The following CASP9 variants were observed in gnomAD, a reference collection of about 807,000 sequenced individuals.
CASP9 encodes caspase-9.
A neutral mutation model predicts 43.5 loss-of-function variants in CASP9; 29 were observed. That is an observed-to-expected ratio of 0.67 (90% confidence interval 0.50 to 0.91). The LOEUF (loss-of-function observed/expected upper bound fraction) is 0.91. CASP9 is among the 40% of genes least tolerant of loss of function. The probability of loss-of-function intolerance (pLI) is 0.00; values close to 1 mark genes in which losing one functional copy is unlikely to be tolerated. For missense variants in CASP9, 575 were observed against 537.4 expected (o/e 1.07, Z -0.69); for synonymous variants, 206 against 211.9 (o/e 0.97, Z 0.24).
At chr1:15,522,052 G>A (rs1264599462) in intron 1 of CASP9, among the ~76,000 whole-genome samples, 2 of 152,138 alleles carry the variant, frequency 1.3e-5, no homozygotes, top group African/African-American at 2.4e-5. Context: ...CACATTTGCT[G>A]AACACTCCAG....
At chr1:15,502,914 AG>A (rs1709380600) in intron 6 of CASP9, among the ~76,000 whole-genome samples, 1 of 152,090 alleles carries the variant, frequency 6.6e-6, no homozygotes, top group African/African-American at 2.4e-5. Flanking sequence ...TACAGCCCCG[AG>A]AGTGGCAGCC....
chr1:15,497,934 G>A (rs1034191554), intron 6 of CASP9, among the ~76,000 whole-genome samples: 2 of 152,160 alleles, frequency 1.3e-5, no homozygotes, highest in Non-Finnish European at 2.9e-5. Flanking sequence ...GTATGGTACT[G>A]GCATAAAGAC....
At position 15,518,206 on chromosome 1, in the gene CASP9, G is replaced by A; in HGVS notation, c.322C>T (p.Pro108Ser). The part of the protein sequence containing the change: ...LSKPTLENLT[P>S]VVLRPEIRKP... Reference sequence around the variant, plus strand: ...CGAATCTCTGGTCTGAGCACCACTGGGGTAAGGTTTTCTAGGGTTGGCTTC... The same window carrying A: ...CGAATCTCTGGTCTGAGCACCACTGAGGTAAGGTTTTCTAGGGTTGGCTTC... Residue 108 changes from proline (P) to serine (S), a missense_variant, in exon 2 of 9, where the codon CCA (proline) becomes TCA (serine). Physicochemically the swap from Pro to Ser is moderately conservative, Grantham distance 74. Transcript: ENST00000333868. 6.2e-7 allele frequency: 1 copy of A among 1,614,186 alleles called. No homozygotes were observed. Among genetic ancestry groups the A allele is most frequent in the Non-Finnish European group, 8.5e-7 (1 of 1,180,034 alleles).
intron 5 of CASP9, 69 bp from the exon 6 acceptor site, chr1:15,504,827 GT>G: frequency 1.1e-5 from 17 of 1,490,242 alleles, no homozygotes; most frequent in Non-Finnish European, 1.6e-5. Flanking sequence ...CTGTTCAGAG[GT>G]TTTGTGGGAG....
At chr1:15,507,590 C>T (rs553615905) in intron 3 of CASP9, among the ~76,000 whole-genome samples, 3 of 152,248 alleles carry the variant, frequency 2.0e-5, no homozygotes, top group Non-Finnish European at 4.4e-5. Flanking sequence ...ACAATAAATA[C>T]TTGTGAATGA....
intron 6 of CASP9, among the ~76,000 whole-genome samples, chr1:15,502,599 C>G (rs1235304149): frequency 6.6e-6 from 1 of 152,160 alleles, no homozygotes; most frequent in East Asian, 1.9e-4. Flanking sequence ...GGTGAAGTGG[C>G]AGGGGCCAGG....
intron 8 of CASP9, 25 bp from the exon 9 acceptor site, chr1:15,493,060 T>C (rs1277097964): frequency 6.2e-7 from 1 of 1,613,424 alleles, no homozygotes; most frequent in East Asian, 2.2e-5. Context: ...CATGGAGAGC[T>C]CTGTGAGTTC....
At chr1:15,508,899 A>ACATG (rs1179084464) in intron 2 of CASP9, among the ~76,000 whole-genome samples, 1 of 152,366 alleles carries the variant, frequency 6.6e-6, no homozygotes, top group East Asian at 1.9e-4. Context: ...ACAGTAAAGA[A>ACATG]GTAGGCAACA....
chr1:15,513,661 T>C (rs1158038542), intron 2 of CASP9, among the ~76,000 whole-genome samples: 4 of 152,096 alleles, frequency 2.6e-5, no homozygotes, highest in Non-Finnish European at 5.9e-5. Context: ...GCATCCTTGT[T>C]CGAAGCTGCA....
At chr1:15,519,392 G>A (rs575632373) in intron 1 of CASP9, among the ~76,000 whole-genome samples, 51 of 152,238 alleles carry the variant, frequency 3.4e-4, no homozygotes, top group Non-Finnish European at 6.2e-4. Context: ...TGTTGGCCAG[G>A]CTGGTCTCAA....
chr1:15,491,537 C>A lies in CASP9; in HGVS notation c.*1406G>T. On this transcript the variant is annotated 3_prime_UTR_variant, in exon 9 of 9. Coordinates refer to ENST00000333868, the MANE Select transcript of CASP9 (RefSeq NM_001229.5). Reference sequence around the variant, plus strand: ...CTTTGGGAGGCTAAGGCAGGCTGATCGCTTGAGTCCAGGAGTTCAAGACCA... The same window carrying A: ...CTTTGGGAGGCTAAGGCAGGCTGATAGCTTGAGTCCAGGAGTTCAAGACCA... 1.9e-6 allele frequency: 1 copy of A among 538,026 alleles called. No individual in the cohort carries two copies. The allele number at this position is 538,026 out of a possible 1,614,324, so 33.3% of individuals were successfully genotyped here.
At chr1:15,504,099 G>A (rs990819328) in intron 6 of CASP9, among the ~76,000 whole-genome samples, 2 of 152,000 alleles carry the variant, frequency 1.3e-5, no homozygotes, top group Non-Finnish European at 2.9e-5. Context: ...CTCCTGCCTC[G>A]GCCTCCCAAA....
upstream of CASP9, chr1:15,524,478 T>A (rs1161875737): frequency 9.3e-6 from 8 of 860,186 alleles, no homozygotes; most frequent in Admixed American, 2.5e-4. Context: ...CAGAACACGC[T>A]CCGCGTCACC....
At chr1:15,493,424 G>C in intron 8 of CASP9, 1 of 1,252,496 alleles carries the variant, frequency 8.0e-7, no homozygotes, top group Non-Finnish European at 1.0e-6. Flanking sequence ...TATGGAGTAG[G>C]ACTGGGCCTA....
chr1:15,524,780 G>C (rs1435073305), upstream of CASP9: 28 of 996,642 alleles, frequency 2.8e-5, no homozygotes, highest in Admixed American at 1.3e-4. Context: ...CCCACTCCCC[G>C]GGACGCATCT....
chr1:15,498,742 CTTTTTTTTTTT>C (rs1218849159), intron 6 of CASP9, among the ~76,000 whole-genome samples: 1 of 83,494 alleles, frequency 1.2e-5, no homozygotes, highest in South Asian at 4.3e-4. Flanking sequence ...TGAAAGTGAT[CTTTTTTTTTTT>C]TTTTTTTTTT....
At chr1:15,513,097 C>T (rs992691517) in intron 2 of CASP9, among the ~76,000 whole-genome samples, 2 of 148,678 alleles carry the variant, frequency 1.3e-5, no homozygotes, top group African/African-American at 2.5e-5. Flanking sequence ...GGAGGCAGAG[C>T]TTGCAGTGTG....
chr1:15,514,374 T>C (rs1709876305), intron 2 of CASP9, among the ~76,000 whole-genome samples: 1 of 152,184 alleles, frequency 6.6e-6, no homozygotes, highest in Non-Finnish European at 1.5e-5. Flanking sequence ...TTCCCATACA[T>C]ATGAATACAC....
At chr1:15,493,453 T>A in intron 8 of CASP9, 1 of 1,261,244 alleles carries the variant, frequency 7.9e-7, no homozygotes, top group African/African-American at 1.5e-5. Flanking sequence ...CCCTTCCCTA[T>A]CTGTTTCCTC....
Sources: gnomAD v4.1 joint callset for allele counts (sites outside exome capture counted in the v4.1 genomes callset) on GRCh38, gnomAD v4.1.1 for gene constraint, MANE v1.5 for transcripts, NCBI Gene and HGNC (gene_info 2026-07-23, HGNC 2026-07-21) for gene names.